B3GALT1: variants seen among roughly 807,000 people sequenced by gnomAD.
B3GALT1 encodes beta-1,3-galactosyltransferase 1.
B3GALT1 carries 10 observed loss-of-function variants against 23.2 expected under a neutral mutation model. The observed-to-expected ratio is 0.43, with a 90% confidence interval of 0.27 to 0.73. The LOEUF is 0.73. Among genes scored for constraint, B3GALT1 ranks in the 30% least tolerant of loss-of-function variants. B3GALT1 has a pLI of 0.21. For missense variants in B3GALT1, 299 were observed against 405.4 expected (o/e 0.74, Z 2.25); for synonymous variants, 156 against 141.5 (o/e 1.10, Z -0.73).
At chr2:167,505,271 T>G (rs1699902287) in intron 2 of B3GALT1, among the ~76,000 whole-genome samples, 1 of 152,148 alleles carries the variant, frequency 6.6e-6, no homozygotes, top group Non-Finnish European at 1.5e-5. Flanking sequence ...TTGAACCATG[T>G]GGATGTCTTA....
intron 1 of B3GALT1, among the ~76,000 whole-genome samples, chr2:167,339,720 CGAA>C (rs1460299785): frequency 6.6e-6 from 1 of 150,532 alleles, no homozygotes; most frequent in Non-Finnish European, 1.5e-5. Context: ...CTTCCCATTT[CGAA>C]GAAGGATAGA....
At chr2:167,773,364 A>G (rs1688104538) in intron 3 of B3GALT1, among the ~76,000 whole-genome samples, 1 of 152,190 alleles carries the variant, frequency 6.6e-6, no homozygotes, top group Admixed American at 6.5e-5. Context: ...TTTTCATGAT[A>G]TTACATTTAT....
rs35747652 is a variant in B3GALT1 at position 167,454,196 on chromosome 2, A to AGTGTGTGTGTGTGTGTGT, written c.-510-35966_-510-35965insTGTGTGTGTGTGTGTGTG. On this transcript the variant is annotated intron_variant, in intron 1 of 4. Transcript: ENST00000392690. ...TTTTCCGATGTAGGTATAACAGGAA[A>AGTGTGTGTGTGTGTGTGT]GTGTGTGTGTGTGTGCGCACGCGCG... Among the ~76,000 whole-genome samples the AGTGTGTGTGTGTGTGTGT allele has an allele frequency of 4.0e-3, 605 of 152,046 alleles. 6 individuals are homozygous for AGTGTGTGTGTGTGTGTGT. The highest frequency in any genetic ancestry group is 0.014 in the African/African-American group (580 of 41,446).
At chr2:167,387,154 A>G (rs1051708801) in intron 1 of B3GALT1, among the ~76,000 whole-genome samples, 19 of 152,244 alleles carry the variant, frequency 1.2e-4, no homozygotes, top group African/African-American at 4.6e-4. Context: ...ATTAAAAGAT[A>G]TGGTAGGCTG....
At chr2:167,794,612 G>C (rs1558981344) in intron 3 of B3GALT1, among the ~76,000 whole-genome samples, 1 of 152,158 alleles carries the variant, frequency 6.6e-6, no homozygotes, top group Admixed American at 6.6e-5. Context: ...CCTCAACCTT[G>C]AAATTTATAC....
intron 1 of B3GALT1, among the ~76,000 whole-genome samples, chr2:167,299,845 A>G (rs1188334979): frequency 1.3e-5 from 2 of 151,074 alleles, no homozygotes; most frequent in Non-Finnish European, 2.9e-5. Context: ...TTATAAACAT[A>G]TATATATGTG....
chr2:167,369,286 A>C (rs1479158084), intron 1 of B3GALT1, among the ~76,000 whole-genome samples: 3 of 152,106 alleles, frequency 2.0e-5, no homozygotes, highest in African/African-American at 7.2e-5. Context: ...GCCTCTTACT[A>C]TCTCCATATT....
chr2:167,420,937 A>T (rs1351830412), intron 1 of B3GALT1, among the ~76,000 whole-genome samples: 1 of 152,234 alleles, frequency 6.6e-6, no homozygotes, highest in Non-Finnish European at 1.5e-5. Flanking sequence ...AGTAGCTAAA[A>T]AATGTAAGTG....
intron 1 of B3GALT1, among the ~76,000 whole-genome samples, chr2:167,330,598 C>T (rs772745506): frequency 4.3e-4 from 65 of 152,140 alleles, no homozygotes; most frequent in Non-Finnish European, 7.1e-4. Context: ...CGACAGAGCG[C>T]GACCCAGCCT....
rs373015124 is a variant in B3GALT1, at chr2:167,869,476, T to C, written c.437T>C (p.Ile146Thr). 1.9e-6 allele frequency: 3 copies of C among 1,614,082 alleles called. No individual in the cohort carries two copies. The African/African-American group carries it at 4.0e-5, about 22-fold the overall frequency. ...IFHDIIVEDF[I>T]DSYHNLTLKT... ...CATGATATCATCGTGGAGGACTTTA[T>C]TGACTCCTACCATAACCTTACCCTC... The change falls in exon 5 of 5, where the codon ATT becomes ACT. Residue 146 changes from isoleucine to threonine, a missense_variant. Physicochemically the swap from Ile to Thr is moderately conservative, Grantham distance 89. Coordinates refer to ENST00000392690, the MANE Select transcript of B3GALT1 (RefSeq NM_020981.4). The surrounding 1 kb of genome is among the most constrained non-coding windows in gnomAD (Gnocchi z 6.4).
rs144161594 is a variant in B3GALT1, at chr2:167,741,494, G to C, written c.-351-77178G>C. 2.0e-5 allele frequency among the ~76,000 whole-genome samples: 3 copies of C among 152,244 alleles called. No homozygotes were observed. The East Asian group carries it at 5.8e-4, about 29-fold the overall frequency. On this transcript the variant is annotated intron_variant, in intron 3 of 4. Coordinates refer to ENST00000392690, the MANE Select transcript of B3GALT1 (RefSeq NM_020981.4). The stretch of plus-strand genomic sequence containing the variant: ...AGAGTGGTCCATCACAGGTGTAGGA[G>C]ATAAGGGGGTGCATTGTTTCCAAAT...
chr2:167,368,159 G>T (rs1313067541), intron 1 of B3GALT1, among the ~76,000 whole-genome samples: 5 of 152,140 alleles, frequency 3.3e-5, no homozygotes, highest in Non-Finnish European at 7.4e-5. Flanking sequence ...AATTCTGGAA[G>T]CCATTAAATG....
chr2:167,456,238 G>A (rs1699172452), intron 1 of B3GALT1, among the ~76,000 whole-genome samples: 1 of 152,124 alleles, frequency 6.6e-6, no homozygotes, highest in African/African-American at 2.4e-5. Context: ...GAGTGAGAGA[G>A]AGAGGTAGAG....
At chr2:167,775,468 C>G (rs898722836) in intron 3 of B3GALT1, among the ~76,000 whole-genome samples, 2 of 151,228 alleles carry the variant, frequency 1.3e-5, no homozygotes, top group African/African-American at 4.9e-5. Context: ...ATTCGGGAGG[C>G]TGAGGCAGGA....
At chr2:167,713,909 G>A (rs879096320) in intron 3 of B3GALT1, 4 of 1,579,378 alleles carry the variant, frequency 2.5e-6, no homozygotes, top group East Asian at 2.2e-5. Flanking sequence ...AGGAGGTTGG[G>A]GGAAAGGAGG....
chr2:167,314,933 T>A lies in B3GALT1; in HGVS notation c.-511+21599T>A, dbSNP rs866398134. On this transcript the variant is annotated intron_variant, in intron 1 of 4. Coordinates refer to ENST00000392690, the MANE Select transcript of B3GALT1 (RefSeq NM_020981.4). Reference sequence around the variant, plus strand: ...TACATATTGACTATCCATTTCTAATTAGAGAGCTGTTTCATGGCTCAGCTC... The same window carrying A: ...TACATATTGACTATCCATTTCTAATAAGAGAGCTGTTTCATGGCTCAGCTC... 2.0e-5 allele frequency among the ~76,000 whole-genome samples: 3 copies of A among 152,150 alleles called. No homozygotes were observed. The South Asian group carries it at 6.2e-4, about 31-fold the overall frequency.
At chr2:167,593,909 A>T (rs1040819474) in intron 2 of B3GALT1, among the ~76,000 whole-genome samples, 2 of 152,212 alleles carry the variant, frequency 1.3e-5, no homozygotes, top group African/African-American at 4.8e-5. Context: ...TACCAGGAGG[A>T]GATAGGCCAA....
intron 3 of B3GALT1, among the ~76,000 whole-genome samples, chr2:167,663,484 G>A (rs1214354878): frequency 6.6e-6 from 1 of 152,116 alleles, no homozygotes; most frequent in Non-Finnish European, 1.5e-5. Flanking sequence ...CCAGTAATGG[G>A]GTGGCTGGGT....
intron 3 of B3GALT1, among the ~76,000 whole-genome samples, chr2:167,650,560 T>C (rs146457575): frequency 6.6e-6 from 1 of 152,162 alleles, no homozygotes; most frequent in East Asian, 1.9e-4. Context: ...TTAGAAAGTG[T>C]TCCTTCATTT....
Sources: gnomAD v4.1 joint callset for allele counts (sites outside exome capture counted in the v4.1 genomes callset) on GRCh38, gnomAD v4.1.1 for gene constraint, Gnocchi (gnomAD v3.1) non-coding constraint, MANE v1.5 for transcripts, NCBI Gene and HGNC (gene_info 2026-07-23, HGNC 2026-07-21) for gene names.